KIAA1755: variants seen among roughly 807,000 people sequenced by gnomAD.
KIAA1755 encodes the protein uncharacterized protein KIAA1755.
In KIAA1755, 68 loss-of-function variants were observed where a neutral mutation model predicts 91.7. The observed-to-expected ratio is 0.74, with a 90% confidence interval of 0.61 to 0.91. KIAA1755 has a LOEUF of 0.91. Ranked by LOEUF, KIAA1755 falls within the 40% of genes least tolerant of loss-of-function variation. KIAA1755 has a pLI of 0.00. For missense variants in KIAA1755, 1,535 were observed against 1,494.4 expected, an observed-to-expected ratio of 1.03 and a Z score of -0.45; for synonymous variants, 610 against 604.6, an observed-to-expected ratio of 1.01 and a Z score of -0.13.
rs573454849 is a variant in KIAA1755, at chr20:38,244,735, G to T, written c.201+1194C>A. Among the ~76,000 whole-genome samples, 22 of 152,040 alleles carry T rather than the reference G, an allele frequency of 1.4e-4. No individual in the cohort carries two copies. In the East Asian group the frequency reaches 3.9e-3, roughly 27 times the overall value. On this transcript the variant is annotated intron_variant, in intron 2 of 13. Coordinates refer to ENST00000279024, the MANE Select transcript of KIAA1755 (RefSeq NM_001029864.2). ...TTTTGTTTTTTGTTTTTGAGACAGG[G>T]TCTCACTGTGCCACCCAGGCTGGAG...
rs1009203433 is a variant in KIAA1755, at chr20:38,241,424, C to T, written c.707G>A (p.Gly236Asp). Residue 236 changes from glycine to aspartate, a missense_variant, in exon 3 of 14, where the codon GGT becomes GAT. Transcript: ENST00000279024. ...CTTGCTCCCATATGTCCTGCCCTTA[C>T]CCTTGGCCAAACTCTGGGCAGGAAG... is the stretch of plus-strand genomic sequence containing the variant. ...QVLPAQSLAK[G>D]KGRTYGSKYP... 8 of 1,614,092 alleles carry T rather than the reference C, an allele frequency of 5.0e-6. No individual in the cohort carries two copies. The highest frequency in any genetic ancestry group is 6.8e-6 in the Non-Finnish European group (8 of 1,180,042).
intron 13 of KIAA1755, 75 bp downstream of exon 13, chr20:38,217,178 T>C (rs981867256): frequency 1.5e-6 from 2 of 1,317,248 alleles, no homozygotes; most frequent in African/African-American, 1.4e-5. Context: ...GGGCTGTGTC[T>C]AGGTATCCCT....
At chr20:38,253,939 A>G (rs2076295327) in intron 1 of KIAA1755, among the ~76,000 whole-genome samples, 1 of 152,196 alleles carries the variant, frequency 6.6e-6, no homozygotes, top group Non-Finnish European at 1.5e-5. Flanking sequence ...GCTGGAGTGC[A>G]ATGGTGCCAT....
chr20:38,213,708 C>G lies in KIAA1755; in HGVS notation c.2937G>C (p.Met979Ile). Reference sequence around the variant, plus strand: ...AGGTCTTGTCCAGCCTGAGCTGGGCCATCAGGTCCTGACAGTCCATGTGGA... The same window carrying G: ...AGGTCTTGTCCAGCCTGAGCTGGGCGATCAGGTCCTGACAGTCCATGTGGA... The part of the protein sequence containing the change: ...TWFHMDCQDL[M>I]AQLRLDKTSR... Residue 979 changes from methionine to isoleucine, a missense_variant, in exon 14 of 14, where the codon ATG becomes ATC. Transcript: ENST00000279024. 1 of 1,523,546 alleles carries G rather than the reference C, an allele frequency of 6.6e-7. No homozygotes were observed. Among genetic ancestry groups the G allele is most frequent in the Non-Finnish European group, 8.8e-7 (1 of 1,135,520 alleles). 94.4% of individuals were successfully genotyped at this position (1,523,546 alleles called of 1,614,324 possible).
intron 13 of KIAA1755, among the ~76,000 whole-genome samples, chr20:38,214,456 C>T (rs759929610): frequency 6.6e-6 from 1 of 152,204 alleles, no homozygotes; most frequent in Non-Finnish European, 1.5e-5. Context: ...TGACCGTTTG[C>T]CAGGTTCTGT....
At chr20:38,223,475 G>A (rs2075698097) in intron 9 of KIAA1755, 63 bp downstream of exon 9, 2 of 1,154,342 alleles carry the variant, frequency 1.7e-6, no homozygotes, top group Non-Finnish European at 2.4e-6. Flanking sequence ...CCTTCTCGAA[G>A]CCCTTGGTCC....
chr20:38,235,669 C>A (rs1346075858), intron 4 of KIAA1755, among the ~76,000 whole-genome samples: 1 of 152,200 alleles, frequency 6.6e-6, no homozygotes, highest in Non-Finnish European at 1.5e-5. Flanking sequence ...TGCAGCTCTG[C>A]AGACAGCTGG....
intron 13 of KIAA1755, among the ~76,000 whole-genome samples, chr20:38,215,488 G>A (rs929319473): frequency 3.9e-5 from 6 of 152,222 alleles, no homozygotes; most frequent in Admixed American, 2.0e-4. Flanking sequence ...ACAAGCGAGT[G>A]ACAAGGACCA....
intron 1 of KIAA1755, among the ~76,000 whole-genome samples, chr20:38,250,424 C>T (rs1225078940): frequency 6.6e-6 from 1 of 151,344 alleles, no homozygotes; most frequent in Non-Finnish European, 1.5e-5. Flanking sequence ...TTAGTAGGTG[C>T]TCATTAAGTA....
chr20:38,222,766 G>A (rs116314829), intron 9 of KIAA1755, 169 bp from the exon 10 acceptor site: 24,128 of 708,412 alleles, frequency 0.034, 783 homozygotes, highest in African/African-American at 0.11. Context: ...GTCCCCTCTC[G>A]TCACCACGGC....
Position 38,213,581 on chromosome 20 carries a change from C to A in KIAA1755, c.3064G>T (p.Ala1022Ser). Residue 1022 changes from alanine (A) to serine (S), a missense_variant, in exon 14 of 14, where the codon GCC becomes TCC. By Grantham distance (99) the Ala-to-Ser change is moderately conservative (BLOSUM62 1). Coordinates refer to ENST00000279024, the MANE Select transcript of KIAA1755 (RefSeq NM_001029864.2). ...EKLAAVGLQV[A>S]SLSRAGLGQE... ...CCCAGGCCTGCCCGGCTCAGGGAGG[C>A]CACCTGCAGCCCCACGGCTGCGAGC... The A allele has an allele frequency of 6.2e-7, 1 of 1,607,118 alleles. No homozygotes were observed. Among genetic ancestry groups the A allele is most frequent in the Non-Finnish European group, 8.5e-7 (1 of 1,176,398 alleles).
At chr20:38,220,680 T>A (rs2075642186) in intron 10 of KIAA1755, among the ~76,000 whole-genome samples, 1 of 152,138 alleles carries the variant, frequency 6.6e-6, no homozygotes, top group Non-Finnish European at 1.5e-5. Context: ...GAACCAGCGC[T>A]CATGCGTGCA....
At chr20:38,250,644 G>A (rs994236152) in intron 1 of KIAA1755, among the ~76,000 whole-genome samples, 5 of 151,922 alleles carry the variant, frequency 3.3e-5, no homozygotes, top group South Asian at 2.1e-4. Flanking sequence ...AGAAAACCCC[G>A]TGTGCTGCAG....
chr20:38,222,577 G>A lies in KIAA1755; in HGVS notation c.2289C>T (p.Ser763=). Reference sequence around the variant, plus strand: ...CAGCCTCCATCAGCTCCTTGGACTTGCTCAGGCACCTGGTAGCCTCCTGCC... The same window carrying A: ...CAGCCTCCATCAGCTCCTTGGACTTACTCAGGCACCTGGTAGCCTCCTGCC... ...GGMQEATRCL[S]KSKELMEAVL... The change falls in exon 10 of 14, where the codon AGC becomes AGT. Residue 763 remains serine (S), a synonymous_variant. Transcript: ENST00000279024. The A allele has an allele frequency of 6.2e-7, 1 of 1,612,748 alleles. No individual in the cohort carries two copies. The highest frequency in any genetic ancestry group is 8.5e-7 in the Non-Finnish European group (1 of 1,179,978).
At chr20:38,228,100 G>A in intron 6 of KIAA1755, 47 bp downstream of exon 6, 2 of 1,444,024 alleles carry the variant, frequency 1.4e-6, no homozygotes, top group East Asian at 2.4e-5. Context: ...GAGGCCCCTG[G>A]TGGCTCCCAG....
chr20:38,229,241 C>A (rs1221343670), intron 5 of KIAA1755, among the ~76,000 whole-genome samples: 2 of 152,200 alleles, frequency 1.3e-5, no homozygotes, highest in African/African-American at 4.8e-5. Flanking sequence ...TATTTCATCT[C>A]CCTGAGTCAA....
chr20:38,226,202 C>G (rs1036497591), intron 7 of KIAA1755, among the ~76,000 whole-genome samples: 1 of 152,182 alleles, frequency 6.6e-6, no homozygotes, highest in African/African-American at 2.4e-5. Context: ...CTTCTTGGGG[C>G]TGGTGAGAAA....
intron 4 of KIAA1755, among the ~76,000 whole-genome samples, chr20:38,235,250 G>A (rs1036854404): frequency 2.0e-5 from 3 of 152,122 alleles, no homozygotes; most frequent in Non-Finnish European, 4.4e-5. Flanking sequence ...CAATCTCAGG[G>A]GCTCTGTTCA....
Position 38,217,461 on chromosome 20 carries a change from C to G in KIAA1755, c.2693G>C (p.Arg898Pro). The change falls in exon 13 of 14, where the codon CGA (arginine) becomes CCA (proline). Residue 898 changes from arginine (R) to proline (P), a missense_variant. Physicochemically the swap from Arg to Pro is moderately radical, Grantham distance 103. Transcript: ENST00000279024. The stretch of plus-strand genomic sequence containing the variant: ...GGCCTGCTTGGACAGCTCCAGGCCT[C>G]GGCGGTACTGGGCCTGAGAGGGGAG... ...FFLQAAAQYR[R>P]GLELSKQAAQ... 1 of 1,607,730 alleles carries G rather than the reference C, an allele frequency of 6.2e-7. No homozygotes were observed. Among genetic ancestry groups the G allele is most frequent in the Non-Finnish European group, 8.5e-7 (1 of 1,177,458 alleles).
Sources: allele counts gnomAD v4.1 joint callset (sites outside exome capture counted in the v4.1 genomes callset), GRCh38; gene constraint gnomAD v4.1.1; transcripts MANE v1.5; gene names NCBI Gene and HGNC (gene_info 2026-07-23, HGNC 2026-07-21).